Variants in CDKL3 observed in about 807,000 individuals in gnomAD.
CDKL3 encodes the protein cyclin dependent kinase like 3.
CDKL3 carries 65 observed loss-of-function variants against 69.3 expected under a neutral mutation model. The observed-to-expected ratio is 0.94, with a 90% CI of 0.77 to 1.15. The LOEUF is 1.15. Ranked by LOEUF, CDKL3 falls within the 50% of genes most tolerant of loss-of-function variation. The pLI, the probability that CDKL3 is intolerant of heterozygous loss-of-function variation, is 0.00. For synonymous variants in CDKL3, 202 were observed against 221.6 expected (o/e 0.91, Z 0.79); for missense variants, 652 against 689.2 (o/e 0.95, Z 0.61).
At chr5:134,321,548 T>G (rs1316965175) in intron 5 of CDKL3, among the ~76,000 whole-genome samples, 1 of 152,214 alleles carries the variant, frequency 6.6e-6, no homozygotes, top group Non-Finnish European at 1.5e-5. Context: ...TTGTACTATT[T>G]TTCTTAGCAT....
chr5:134,339,394 C>T (rs1326661072), intron 4 of CDKL3, among the ~76,000 whole-genome samples: 1 of 151,874 alleles, frequency 6.6e-6, no homozygotes, highest in African/African-American at 2.4e-5. Context: ...AAAGACTGCC[C>T]TAATACAAGA....
chr5:134,322,121 C>T (rs1249777500), intron 4 of CDKL3, among the ~76,000 whole-genome samples: 1 of 152,136 alleles, frequency 6.6e-6, no homozygotes, highest in Admixed American at 6.6e-5. Flanking sequence ...TCAAGCAATT[C>T]TCCTGCCTCA....
Position 134,347,624 on chromosome 5 carries a change from T to G in CDKL3, c.539+2625A>C, listed in dbSNP as rs58563429. ...GTGGCTCATGCCTGTAATCCCAGCA[T>G]TTTGAGAGGCCGAGGCGAGCAGATC... On this transcript the variant is annotated intron_variant, in intron 4 of 12. Coordinates refer to ENST00000265334, the MANE Select transcript of CDKL3 (RefSeq NM_001113575.2). Among the ~76,000 whole-genome samples, 7 of 149,060 alleles carry G rather than the reference T, an allele frequency of 4.7e-5. No individual in the cohort carries two copies. The East Asian group carries it at 1.4e-3, about 29-fold the overall frequency.
At chr5:134,371,429 G>C (rs1323543909), upstream of CDKL3, 8 of 864,968 alleles carry the variant, frequency 9.2e-6, no homozygotes, top group Admixed American at 5.6e-5. Context: ...GGAGGGATCC[G>C]GAGGCGGCGG....
chr5:134,297,820 G>T (rs1765440974), downstream of CDKL3, among the ~76,000 whole-genome samples: 1 of 151,518 alleles, frequency 6.6e-6, no homozygotes, highest in South Asian at 2.1e-4. Context: ...GACCTCAGGT[G>T]ATCTGCCCAC....
chr5:134,322,714 G>A (rs2149491223), intron 4 of CDKL3, among the ~76,000 whole-genome samples: 1 of 152,324 alleles, frequency 6.6e-6, no homozygotes, highest in East Asian at 1.9e-4. Flanking sequence ...GGACACTGTG[G>A]CTCATGCCTG....
Position 134,324,689 on chromosome 5 carries a change from T to C in CDKL3, c.540-2786A>G, listed in dbSNP as rs151215187. 3.7e-3 allele frequency among the ~76,000 whole-genome samples: 563 copies of C among 152,290 alleles called. 5 individuals carry two copies. The highest frequency in any genetic ancestry group is 0.012 in the African/African-American group (507 of 41,572). ...AAAGACCAATGATTGCCAGCAGTTCTGGGAGAGGGACGGAAGAATAAAAAC... is the reference window on the plus strand; with the variant it reads ...AAAGACCAATGATTGCCAGCAGTTCCGGGAGAGGGACGGAAGAATAAAAAC... On this transcript the variant is annotated intron_variant, in intron 4 of 12. Transcript: ENST00000265334.
At chr5:134,292,578 A>C (rs1048727040) in intron 8 of CDKL3, among the ~76,000 whole-genome samples, 3 of 152,040 alleles carry the variant, frequency 2.0e-5, no homozygotes, top group African/African-American at 7.2e-5. Flanking sequence ...AATAAATAGA[A>C]AGAAGAAATA....
chr5:134,351,677 T>C (rs1753350136), intron 3 of CDKL3, among the ~76,000 whole-genome samples: 1 of 152,158 alleles, frequency 6.6e-6, no homozygotes. Context: ...CTCAGGCTGA[T>C]CATGAGTGCT....
rs759410958 is a variant in CDKL3, at chr5:134,308,206, G to T, written c.1296C>A (p.Pro432=). 6.2e-7 allele frequency: 1 copy of T among 1,613,874 alleles called. No individual in the cohort carries two copies. Among genetic ancestry groups the T allele is most frequent in the Non-Finnish European group, 8.5e-7 (1 of 1,179,842 alleles). The change falls in exon 9 of 13, where the codon CCC becomes CCA. Residue 432 remains proline (P), a synonymous_variant. Coordinates refer to ENST00000265334, the MANE Select transcript of CDKL3 (RefSeq NM_001113575.2). The stretch of plus-strand genomic sequence containing the variant: ...TCAAATTACTGTTAGTTAGATTGAT[G>T]GGTGGCATTGTCACAGAACCTCCGC... ...PHCGGSVTMP[P]INLTNSNLMA...
intron 2 of CDKL3, among the ~76,000 whole-genome samples, chr5:134,365,138 T>C (rs1050186752): frequency 6.6e-6 from 1 of 151,684 alleles, no homozygotes; most frequent in African/African-American, 2.4e-5. Context: ...ACCCGCCACC[T>C]CGCCCGGCTA....
At chr5:134,333,746 T>G (rs1219136762) in intron 4 of CDKL3, among the ~76,000 whole-genome samples, 1 of 152,240 alleles carries the variant, frequency 6.6e-6, no homozygotes, top group African/African-American at 2.4e-5. Flanking sequence ...TGCATCAATG[T>G]TCATCATTGA....
At chr5:134,322,450 A>C (rs1457778422) in intron 4 of CDKL3, among the ~76,000 whole-genome samples, 1 of 152,194 alleles carries the variant, frequency 6.6e-6, no homozygotes, top group African/African-American at 2.4e-5. Context: ...TGGAGGAAAA[A>C]TTGGCAAAAG....
chr5:134,350,708 G>A (rs1488509907), intron 3 of CDKL3, among the ~76,000 whole-genome samples: 1 of 151,814 alleles, frequency 6.6e-6, no homozygotes, highest in Non-Finnish European at 1.5e-5. Context: ...GGCTGGGAGT[G>A]GTGGTTCATG....
At chr5:134,316,210 C>A (rs1771016497) in intron 6 of CDKL3, among the ~76,000 whole-genome samples, 2 of 152,180 alleles carry the variant, frequency 1.3e-5, no homozygotes, top group South Asian at 4.1e-4. Flanking sequence ...CCTCAGTCTT[C>A]CAAAGTGCTA....
intron 4 of CDKL3, among the ~76,000 whole-genome samples, chr5:134,341,339 TAGAC>T: frequency 6.6e-6 from 1 of 152,150 alleles, no homozygotes; most frequent in East Asian, 1.9e-4. Context: ...TCAGCACAAT[TAGAC>T]AGGAAAAAGA....
intron 12 of CDKL3, among the ~76,000 whole-genome samples, chr5:134,301,042 C>A (rs973767275): frequency 6.6e-6 from 1 of 151,786 alleles, no homozygotes; most frequent in African/African-American, 2.4e-5. Flanking sequence ...GTTGTCTAGG[C>A]TGGAGTGCAA....
chr5:134,343,255 A>G (rs574510301), intron 4 of CDKL3, among the ~76,000 whole-genome samples: 1 of 152,274 alleles, frequency 6.6e-6, no homozygotes, highest in Non-Finnish European at 1.5e-5. Context: ...ACAGCCTTAC[A>G]GATCAATGGA....
chr5:134,312,508 A>G, intron 6 of CDKL3, 128 bp from the exon 7 acceptor site: 1 of 567,520 alleles, frequency 1.8e-6, no homozygotes, highest in Non-Finnish European at 3.0e-6. Flanking sequence ...AAAAGATGGA[A>G]TTAGACCTCA....
Sources: gnomAD v4.1 joint callset for allele counts (sites outside exome capture counted in the v4.1 genomes callset) on GRCh38, gnomAD v4.1.1 for gene constraint, MANE v1.5 for transcripts, NCBI Gene and HGNC (gene_info 2026-07-23, HGNC 2026-07-21) for gene names.